The following KCNU1 variants were observed in gnomAD, a reference collection of about 807,000 sequenced individuals.
The protein encoded by KCNU1 is potassium calcium-activated channel subfamily U member 1.
Under a neutral mutation model 126.8 loss-of-function variants are expected in KCNU1, and 93 were observed. The observed-to-expected ratio is 0.73, with a 90% CI of 0.62 to 0.87. The LOEUF is 0.87. Ranked by LOEUF, KCNU1 falls within the 40% of genes least tolerant of loss-of-function variation. The pLI, the probability that KCNU1 is intolerant of heterozygous loss-of-function variation, is 0.00. For synonymous variants in KCNU1, 523 were observed against 494.2 expected (o/e 1.06, Z -0.77); for missense variants, 1,330 against 1,367.1 (o/e 0.97, Z 0.43).
At chr8:36,887,544 G>T (rs959903030) in intron 19 of KCNU1, among the ~76,000 whole-genome samples, 2 of 148,960 alleles carry the variant, frequency 1.3e-5, no homozygotes, top group African/African-American at 5.0e-5. Flanking sequence ...ATGAAGGCAT[G>T]TAAGAGTGTA....
chr8:36,887,460 T>TG (rs1348599067), intron 19 of KCNU1, among the ~76,000 whole-genome samples: 1 of 150,576 alleles, frequency 6.6e-6, no homozygotes, highest in East Asian at 1.9e-4. Context: ...TTGTTTTTTT[T>TG]TTTTTTTTTG....
At chr8:36,916,320 G>A (rs2074079179) in intron 22 of KCNU1, among the ~76,000 whole-genome samples, 1 of 146,968 alleles carries the variant, frequency 6.8e-6, no homozygotes, top group South Asian at 2.2e-4. Context: ...GTGAGGGAAG[G>A]GAAGGAAAGG....
At chr8:36,919,092 C>T (rs1055740353) in intron 23 of KCNU1, among the ~76,000 whole-genome samples, 195 bp downstream of exon 23, 1 of 152,216 alleles carries the variant, frequency 6.6e-6, no homozygotes, top group Non-Finnish European at 1.5e-5. Flanking sequence ...TGTCAGGGTT[C>T]AGAAATGACA....
intron 23 of KCNU1, among the ~76,000 whole-genome samples, chr8:36,921,580 G>A (rs752294870): frequency 1.3e-5 from 2 of 149,956 alleles, no homozygotes; most frequent in Non-Finnish European, 3.0e-5. Flanking sequence ...TTGGGAGGCT[G>A]AGGCATGAGA....
intron 19 of KCNU1, among the ~76,000 whole-genome samples, chr8:36,905,297 A>T (rs1474566918): frequency 6.6e-6 from 1 of 152,142 alleles, no homozygotes; most frequent in African/African-American, 2.4e-5. Context: ...AAAATAGGCT[A>T]AGGAGAGAAA....
intron 19 of KCNU1, chr8:36,888,512 G>GAGAT (rs1309360005): frequency 7.6e-6 from 4 of 528,984 alleles, no homozygotes; most frequent in African/African-American, 5.8e-5. Context: ...CAGCCACAAT[G>GAGAT]AGATGTTCTC....
chr8:36,853,255 C>T (rs192740087), intron 18 of KCNU1, among the ~76,000 whole-genome samples: 37 of 152,232 alleles, frequency 2.4e-4, no homozygotes, highest in Middle Eastern at 3.4e-3. Context: ...GAGGCTGAGG[C>T]AGGAGAGTCA....
rs370245676 is a variant in KCNU1, at chr8:36,906,475, A to C, written c.2106+671A>C. ...TCTGGCACCTGCTTTCTAGATGCCC[A>C]CCTACTGTAATTTTCTGGAGTTGGA... On this transcript the variant is annotated intron_variant, in intron 20 of 26. Transcript: ENST00000399881. Among the ~76,000 whole-genome samples the C allele has an allele frequency of 2.2e-4, 34 of 152,234 alleles. 1 individual carries two copies. The highest frequency in any genetic ancestry group is 7.5e-4 in the African/African-American group (31 of 41,562).
At chr8:36,835,034 A>C (rs764073394) in intron 12 of KCNU1, among the ~76,000 whole-genome samples, 166 bp downstream of exon 12, 2 of 152,234 alleles carry the variant, frequency 1.3e-5, no homozygotes, top group Non-Finnish European at 2.9e-5. Context: ...AAGACTGTGC[A>C]GATGGATGCA....
chr8:36,808,748 A>G lies in KCNU1; in HGVS notation c.687A>G (p.Ser229=), dbSNP rs1399303082. The change falls in exon 7 of 27, where the codon TCA becomes TCG. Residue 229 remains serine, a synonymous_variant. Coordinates refer to ENST00000399881, the MANE Select transcript of KCNU1 (RefSeq NM_001031836.3). ...CAGTGAAGTTTTCCAAACTGCTGTC[A>G]ATAATTCTCAGTACCTGGTTCACAG... is the stretch of plus-strand genomic sequence containing the variant. ...SNSVKFSKLL[S]IILSTWFTAA... is the part of the protein sequence containing the mutation. 5.0e-6 allele frequency: 8 copies of G among 1,611,664 alleles called. No homozygotes were observed. The highest frequency in any genetic ancestry group is 6.8e-6 in the Non-Finnish European group (8 of 1,178,836).
rs182370906 is a variant in KCNU1 at position 36,916,111 on chromosome 8, A to G, written c.2522-2712A>G. Among the ~76,000 whole-genome samples, 516 of 148,208 alleles carry G rather than the reference A, an allele frequency of 3.5e-3. 1 individual carries two copies. The highest frequency in any genetic ancestry group is 5.2e-3 in the Non-Finnish European group (348 of 67,164). On this transcript the variant is annotated intron_variant, in intron 22 of 26. Transcript: ENST00000399881. ...CAGGAGGAGAAGAAGGGAAGGAAGG[A>G]AGGAAGGAAAGGTGGGAGGGAAGGG...
intron 19 of KCNU1, among the ~76,000 whole-genome samples, chr8:36,895,416 T>A (rs1204259414): frequency 1.3e-5 from 2 of 152,058 alleles, no homozygotes; most frequent in Non-Finnish European, 2.9e-5. Flanking sequence ...AAGATTAAAA[T>A]GTTTCTGAAT....
At chr8:36,933,140 AG>A in intron 26 of KCNU1, 108 bp downstream of exon 26, 1 of 696,028 alleles carries the variant, frequency 1.4e-6, no homozygotes, top group East Asian at 2.7e-5. Context: ...CACAGTTGCA[AG>A]GAAGGGTGCA....
chr8:36,861,519 C>G (rs182864541), intron 18 of KCNU1, among the ~76,000 whole-genome samples: 1 of 152,270 alleles, frequency 6.6e-6, no homozygotes, highest in Admixed American at 6.5e-5. Context: ...GACTGTTACC[C>G]CACTTCTGCA....
At chr8:36,841,034 G>GTT (rs756308750) in intron 16 of KCNU1, 31 bp downstream of exon 16, 23,318 of 548,838 alleles carry the variant, frequency 0.042, 31 homozygotes, top group South Asian at 0.076. Flanking sequence ...CTCTTCAGTT[G>GTT]TTTTTTTTTT....
intron 18 of KCNU1, among the ~76,000 whole-genome samples, chr8:36,854,678 T>C (rs1185139283): frequency 6.6e-6 from 1 of 152,182 alleles, no homozygotes; most frequent in Non-Finnish European, 1.5e-5. Flanking sequence ...TATATTTAAA[T>C]TAGCTGATTT....
At chr8:36,811,694 G>A (rs1352777921) in intron 7 of KCNU1, among the ~76,000 whole-genome samples, 1 of 152,192 alleles carries the variant, frequency 6.6e-6, no homozygotes, top group African/African-American at 2.4e-5. Context: ...CACTTTGGGA[G>A]GCCAGGGGAG....
chr8:36,874,854 A>C (rs976312619), intron 19 of KCNU1, among the ~76,000 whole-genome samples: 2 of 152,026 alleles, frequency 1.3e-5, no homozygotes, highest in African/African-American at 4.8e-5. Flanking sequence ...GGCACCTTTA[A>C]CAGATTTTTC....
chr8:36,889,334 C>T (rs1806860951), intron 19 of KCNU1: 10 of 485,798 alleles, frequency 2.1e-5, no homozygotes, highest in South Asian at 1.6e-4. Context: ...TACTTTGGAT[C>T]TATCACCTGT....
Sources: gnomAD v4.1 joint callset for allele counts (sites outside exome capture counted in the v4.1 genomes callset) on GRCh38, gnomAD v4.1.1 for gene constraint, MANE v1.5 for transcripts, NCBI Gene and HGNC (gene_info 2026-07-23, HGNC 2026-07-21) for gene names.